Variants in PODNL1 observed in about 807,000 individuals in gnomAD.
The protein encoded by PODNL1 is podocan-like protein 1.
PODNL1 carries 50 observed loss-of-function variants against 45.1 expected under a neutral mutation model. The ratio of observed to expected loss-of-function variants is 1.11; its 90% CI spans 0.88 to 1.40. The LOEUF (loss-of-function observed/expected upper bound fraction) is 1.40. Ranked by LOEUF, PODNL1 falls within the 40% of genes most tolerant of loss-of-function variation. The probability of loss-of-function intolerance (pLI) is 0.00; values close to 1 mark genes in which losing one functional copy is unlikely to be tolerated. For synonymous variants in PODNL1, 406 were observed against 372.5 expected (o/e 1.09, Z -1.04); for missense variants, 788 against 793.3 (o/e 0.99, Z 0.08).
intron 1 of PODNL1, chr19:13,949,287 T>C (rs1244540431): frequency 1.3e-5 from 2 of 151,914 alleles, no homozygotes; most frequent in Non-Finnish European, 2.9e-5. Context: ...AACATTATTT[T>C]ATTTTTGTTA....
rs901967274 is a variant in PODNL1, at chr19:13,933,604, G to A, written c.768-149C>T. On this transcript the variant is annotated intron_variant, in intron 7 of 9. Transcript: ENST00000588872. The surrounding 1 kb of genome is among the most constrained non-coding windows in gnomAD (Gnocchi z 5.2). Reference sequence around the variant, plus strand: ...ATGCGTGGAGAGAGCTGGGTGGGAGGTAAACTTGGGGTGCCCAGGGCAGAT... The same window carrying A: ...ATGCGTGGAGAGAGCTGGGTGGGAGATAAACTTGGGGTGCCCAGGGCAGAT... The A allele has an allele frequency of 7.5e-5, 72 of 954,118 alleles. 1 individual carries two copies. In the East Asian group the frequency reaches 1.8e-3, roughly 24 times the overall value. The allele number at this position is 954,118 out of a possible 1,614,324, so 59.1% of individuals were successfully genotyped here.
At chr19:13,951,307 A>G (rs755956408) in intron 1 of PODNL1, among the ~76,000 whole-genome samples, 3 of 151,580 alleles carry the variant, frequency 2.0e-5, no homozygotes, top group Non-Finnish European at 4.4e-5. Flanking sequence ...TAATGAAGAC[A>G]ATAAAAAAAA....
upstream of PODNL1, among the ~76,000 whole-genome samples, chr19:13,938,740 C>A (rs1487556776): frequency 6.6e-6 from 1 of 152,006 alleles, no homozygotes; most frequent in Non-Finnish European, 1.5e-5. Context: ...TGGTCTTGCT[C>A]CAGACACCCG....
intron 1 of PODNL1, 35 bp downstream of exon 1, chr19:13,938,144 G>A: frequency 6.4e-7 from 1 of 1,573,464 alleles, no homozygotes; most frequent in Non-Finnish European, 8.6e-7. Context: ...GGGCAGGCAG[G>A]CCCCACCCTC....
At chr19:13,932,306 A>C in intron 8 of PODNL1, 194 bp from the exon 9 acceptor site, 1 of 608,330 alleles carries the variant, frequency 1.6e-6, no homozygotes, top group Non-Finnish European at 2.4e-6. Flanking sequence ...AGGCACAGAC[A>C]GACAGGTCCC....
In PODNL1 at chr19:13,931,877, G is replaced by A. The variant is rs1285193469; in HGVS notation, c.1585C>T (p.Leu529Phe). 4 of 1,232,046 alleles carry A rather than the reference G, an allele frequency of 3.2e-6. No individual in the cohort carries two copies. The East Asian group carries it at 9.5e-5, about 29-fold the overall frequency. 76.3% of individuals were successfully genotyped at this position (1,232,046 alleles called of 1,614,324 possible). A position where few individuals can be genotyped will look rare whatever the true frequency, so the allele number is the denominator to read the frequency against. Residue 529 changes from leucine (L) to phenylalanine (F), a missense_variant, in exon 10 of 10, where the codon CTT becomes TTT. Transcript: ENST00000588872. ...TCAGCCGCGATGCTCGTCATGTGAA[G>A]CCTGTTGGCCCTGCACAGAGAGGCG... ...LRALFLRANRLHMTSIAAEAF... is the reference protein window; with the variant it reads ...LRALFLRANRFHMTSIAAEAF...
Position 13,932,071 on chromosome 19 carries a change from CG to C in PODNL1, c.1466del (p.Pro489ArgfsTer7). The C allele has an allele frequency of 8.1e-7, 1 of 1,232,740 alleles. No homozygotes were observed. The highest frequency in any genetic ancestry group is 4.1e-5 in the South Asian group (1 of 24,344). The allele number at this position is 1,232,740 out of a possible 1,614,324, so 76.4% of individuals were successfully genotyped here. A position where few individuals can be genotyped will look rare whatever the true frequency, so the allele number is the denominator to read the frequency against. ...LSHNELSFVP[P>X]DLPEALEELH... is the part of the protein sequence containing the mutation. ...GCTCCTCTAGGGCCTCAGGCAGGTC[CG>C]GGGGCACAAAGGACAGCTCATTGTG... is the stretch of plus-strand genomic sequence containing the variant. On this transcript the variant is annotated frameshift_variant, in exon 9 of 10. Transcript: ENST00000588872. LOFTEE classifies it high-confidence loss of function.
At chr19:13,944,763 G>T (rs7256252) in intron 1 of PODNL1, among the ~76,000 whole-genome samples, 8,104 of 146,894 alleles carry the variant, frequency 0.055, 673 homozygotes, top group African/African-American at 0.18. Flanking sequence ...CCTGTTTGGG[G>T]TTTTTTTTTT....
chr19:13,938,429 C>G (rs373775412), upstream of PODNL1: 1 of 1,300,158 alleles, frequency 7.7e-7, no homozygotes, highest in South Asian at 2.6e-5. Context: ...TCCCCTTGGT[C>G]CCCCCCAACA....
chr19:13,950,635 T>C (rs537833822), intron 1 of PODNL1, among the ~76,000 whole-genome samples: 1 of 152,348 alleles, frequency 6.6e-6, no homozygotes, highest in South Asian at 2.1e-4. Context: ...ACTGGTGATG[T>C]TGATTTTGAT....
chr19:13,934,119 A>G, intron 6 of PODNL1, 126 bp from the exon 7 acceptor site: 1 of 1,372,710 alleles, frequency 7.3e-7, no homozygotes, highest in Non-Finnish European at 1.0e-6. Flanking sequence ...CAATAAAGTG[A>G]TTCAAAGAAG....
chr19:13,947,535 G>A (rs528224155), intron 1 of PODNL1, among the ~76,000 whole-genome samples: 1 of 152,116 alleles, frequency 6.6e-6, no homozygotes, highest in African/African-American at 2.4e-5. Context: ...CATCATGTTG[G>A]TGTCCACCAA....
chr19:13,946,618 C>T (rs1487226400), intron 1 of PODNL1, among the ~76,000 whole-genome samples: 2 of 152,090 alleles, frequency 1.3e-5, no homozygotes, highest in East Asian at 3.8e-4. Context: ...CCTGCCCCAT[C>T]CTGTTTTATG....
chr19:13,948,931 ACT>A (rs1382300137), intron 1 of PODNL1, among the ~76,000 whole-genome samples: 2 of 145,376 alleles, frequency 1.4e-5, no homozygotes, highest in Non-Finnish European at 3.0e-5. Context: ...ACAGAGTGAG[ACT>A]CTGTCTCAGA....
rs775145182 is a variant in PODNL1 at position 13,934,003 on chromosome 19, GAAGAA to G, written c.652-15_652-11del. 133 of 1,590,252 alleles carry G rather than the reference GAAGAA, an allele frequency of 8.4e-5. No homozygotes were observed. The African/African-American group carries it at 1.6e-3, about 19-fold the overall frequency. ...TGGAGATGAGATTGTTCTGGAGAAG[GAAGAA>G]GAGAATGAGACTTGAGTCTGGGATG... On this transcript the variant is annotated splice_polypyrimidine_tract_variant and intron_variant, in intron 6 of 9. Coordinates refer to ENST00000588872, the MANE Select transcript of PODNL1 (RefSeq NM_001370095.3).
intron 5 of PODNL1, among the ~76,000 whole-genome samples, chr19:13,935,226 C>T (rs1045446376): frequency 6.6e-6 from 1 of 152,092 alleles, no homozygotes; most frequent in Non-Finnish European, 1.5e-5. Flanking sequence ...CCTGTCTCCC[C>T]GCTCACTCTC....
upstream of PODNL1, chr19:13,938,479 G>T: frequency 2.4e-6 from 3 of 1,240,272 alleles, no homozygotes; most frequent in Non-Finnish European, 3.0e-6. Flanking sequence ...GCCAGCCTGG[G>T]CCGGGCCACA....
At chr19:13,946,140 G>T (rs1972807369) in intron 1 of PODNL1, among the ~76,000 whole-genome samples, 1 of 152,032 alleles carries the variant, frequency 6.6e-6, no homozygotes, top group Non-Finnish European at 1.5e-5. Flanking sequence ...AGATAAAAAT[G>T]GAGTTTCTTG....
chr19:13,944,254 C>G (rs1169501784), intron 1 of PODNL1, among the ~76,000 whole-genome samples: 2 of 150,216 alleles, frequency 1.3e-5, no homozygotes, highest in African/African-American at 4.9e-5. Flanking sequence ...GCTCCGCCTC[C>G]CGGGTTCACA....
Sources: allele counts gnomAD v4.1 joint callset (sites outside exome capture counted in the v4.1 genomes callset), GRCh38; gene constraint gnomAD v4.1.1; non-coding constraint Gnocchi (gnomAD v3.1); transcripts MANE v1.5; gene names NCBI Gene and HGNC (gene_info 2026-07-23, HGNC 2026-07-21).